BRDT: variants seen among roughly 807,000 people sequenced by gnomAD.
BRDT encodes bromodomain testis-specific protein.
In BRDT, 77 loss-of-function variants were observed where a neutral mutation model predicts 113.9. The observed-to-expected ratio is 0.68, with a 90% CI of 0.56 to 0.82. BRDT has a LOEUF of 0.82. Ranked by LOEUF, BRDT falls within the 40% of genes least tolerant of loss-of-function variation. BRDT has a pLI of 0.00. For missense variants in BRDT, 1,027 were observed against 1,105.4 expected, an observed-to-expected ratio of 0.93 and a Z score of 1.01; for synonymous variants, 358 against 366.5, an observed-to-expected ratio of 0.98 and a Z score of 0.26.
At chr1:92,007,219 T>C (rs1184714291) in intron 18 of BRDT, among the ~76,000 whole-genome samples, 1 of 152,220 alleles carries the variant, frequency 6.6e-6, no homozygotes, top group Non-Finnish European at 1.5e-5. Flanking sequence ...TGCCCGTTTT[T>C]GTATTAAGCT....
At position 91,955,392 on chromosome 1, in the gene BRDT, T is replaced by A. The variant is rs140845090; in HGVS notation, c.-38+5710T>A. Among the ~76,000 whole-genome samples, 6 of 152,244 alleles carry A rather than the reference T, an allele frequency of 3.9e-5. No homozygotes were observed. The East Asian group carries it at 1.2e-3, about 29-fold the overall frequency. Reference sequence around the variant, plus strand: ...TCGCTTGAACCCGGGAGGCAGAGGTTGCAGTGAGCTGAGATTGCTCCATGG... The same window carrying A: ...TCGCTTGAACCCGGGAGGCAGAGGTAGCAGTGAGCTGAGATTGCTCCATGG... On this transcript the variant is annotated intron_variant, in intron 1 of 18. Transcript: ENST00000399546.
chr1:91,987,578 T>C (rs1685370296), intron 12 of BRDT, among the ~76,000 whole-genome samples: 1 of 152,140 alleles, frequency 6.6e-6, no homozygotes, highest in African/African-American at 2.4e-5. Flanking sequence ...CCTCATGGTC[T>C]GCCCACCTCA....
At chr1:91,964,901 G>A (rs867139068) in intron 3 of BRDT, 137 bp downstream of exon 3, 33 of 405,716 alleles carry the variant, frequency 8.1e-5, no homozygotes, top group African/African-American at 3.9e-4. Flanking sequence ...GTGTGTGTGT[G>A]TGTATATAAT....
intron 15 of BRDT, among the ~76,000 whole-genome samples, chr1:91,996,669 A>T (rs1686368490): frequency 6.6e-6 from 1 of 152,254 alleles, no homozygotes; most frequent in Admixed American, 6.5e-5. Context: ...ATAAATTATT[A>T]GGACCAAAAC....
At chr1:91,960,552 G>A (rs72954706) in intron 1 of BRDT, among the ~76,000 whole-genome samples, 10 of 152,292 alleles carry the variant, frequency 6.6e-5, no homozygotes, top group African/African-American at 2.4e-4. Context: ...AGAAGAATGA[G>A]GATTTGTTGG....
At chr1:91,957,566 C>A (rs1023957974) in intron 1 of BRDT, 20 of 152,306 alleles carry the variant, frequency 1.3e-4, no homozygotes, top group African/African-American at 4.8e-4. Flanking sequence ...GTGTTCCCAT[C>A]TACCCCGTTT....
intron 18 of BRDT, among the ~76,000 whole-genome samples, chr1:92,009,676 G>A (rs1687633693): frequency 1.4e-5 from 2 of 147,990 alleles, no homozygotes; most frequent in Admixed American, 1.4e-4. Flanking sequence ...CAACCCCCCA[G>A]TAGCTGGGAC....
At chr1:91,991,864 C>T (rs1046631454) in intron 13 of BRDT, among the ~76,000 whole-genome samples, 1 of 150,692 alleles carries the variant, frequency 6.6e-6, no homozygotes, top group Non-Finnish European at 1.5e-5. Context: ...TGGCGCCATG[C>T]GCCTGTAATC....
chr1:91,972,015 TTTTC>T lies in BRDT; in HGVS notation c.445+3770_445+3773del, dbSNP rs576296408. On this transcript the variant is annotated intron_variant, in intron 4 of 18. Coordinates refer to ENST00000399546, the MANE Select transcript of BRDT (RefSeq NM_207189.4). ...CTTCCAGCTATTGTTCCTTTTTTTT[TTTTC>T]TTTCTTTCTTTCTTCCTGTATACTC... Among the ~76,000 whole-genome samples, 4 of 152,044 alleles carry T rather than the reference TTTTC, an allele frequency of 2.6e-5. No individual in the cohort carries two copies. The East Asian group carries it at 5.8e-4, about 22-fold the overall frequency.
At chr1:91,986,781 C>G (rs1338459084) in intron 12 of BRDT, among the ~76,000 whole-genome samples, 1 of 151,944 alleles carries the variant, frequency 6.6e-6, no homozygotes, top group Non-Finnish European at 1.5e-5. Context: ...TGGAAACCAA[C>G]AAACTTTGTT....
Position 91,976,576 on chromosome 1 carries a change from G to C in BRDT, c.618+138G>C, listed in dbSNP as rs532445246. 23 of 833,362 alleles carry C rather than the reference G, an allele frequency of 2.8e-5. No homozygotes were observed. In the South Asian group the frequency reaches 4.9e-4, roughly 18 times the overall value. 51.6% of individuals were successfully genotyped at this position (833,362 alleles called of 1,614,324 possible). The stretch of plus-strand genomic sequence containing the variant: ...GCATCTAGCAATCTGAAATAATACT[G>C]TTTCCGCCTCTCTATGCATTTTATG... On this transcript the variant is annotated intron_variant, in intron 5 of 18. Transcript: ENST00000399546.
In BRDT at chr1:92,005,179, T is replaced by C. The variant is rs149455916; in HGVS notation, c.2655T>C (p.Ser885=). The C allele has an allele frequency of 6.4e-7, 1 of 1,569,206 alleles. No homozygotes were observed. The highest frequency in any genetic ancestry group is 8.6e-7 in the Non-Finnish European group (1 of 1,161,556). Residue 885 remains serine, a synonymous_variant, in exon 18 of 19, where the codon TCT becomes TCC. Transcript: ENST00000399546. The part of the protein sequence containing the change: ...SFSNKIQNKC[S]GEEQKEHQQS... ...CAAATAAAATACAAAACAAGTGCTC[T>C]GGAGAAGAGCAGAAAGAACATCAGC...
At chr1:91,978,431 T>C in intron 7 of BRDT, 135 bp downstream of exon 7, 1 of 977,596 alleles carries the variant, frequency 1.0e-6, no homozygotes, top group East Asian at 2.6e-5. Context: ...CCACAATTAC[T>C]TTTGCACCAA....
chr1:91,999,789 T>C (rs1013168115), intron 15 of BRDT, among the ~76,000 whole-genome samples: 4 of 152,256 alleles, frequency 2.6e-5, no homozygotes, highest in African/African-American at 9.6e-5. Flanking sequence ...GGCATGTTTA[T>C]ACAACTCTAC....
chr1:91,971,391 G>T (rs1683615794), intron 4 of BRDT, among the ~76,000 whole-genome samples: 1 of 152,194 alleles, frequency 6.6e-6, no homozygotes, highest in Admixed American at 6.6e-5. Context: ...GTAGGATTTG[G>T]CTTCAGAGGG....
At chr1:91,975,716 C>T (rs1684073345) in intron 4 of BRDT, among the ~76,000 whole-genome samples, 1 of 152,182 alleles carries the variant, frequency 6.6e-6, no homozygotes, top group East Asian at 1.9e-4. Context: ...TTTGAAATAA[C>T]AGATTTCAGA....
chr1:91,991,510 T>C (rs1685748452), intron 13 of BRDT, among the ~76,000 whole-genome samples: 1 of 152,216 alleles, frequency 6.6e-6, no homozygotes, highest in Admixed American at 6.5e-5. Context: ...AGCTTATCCC[T>C]GAGAGTCTGA....
intron 18 of BRDT, among the ~76,000 whole-genome samples, chr1:92,008,119 T>C (rs550434977): frequency 6.6e-6 from 1 of 152,278 alleles, no homozygotes; most frequent in East Asian, 1.9e-4. Flanking sequence ...GGTTTCGCCA[T>C]GTTGGCCAGG....
At chr1:91,971,155 CAT>C (rs909036031) in intron 4 of BRDT, among the ~76,000 whole-genome samples, 51 of 152,080 alleles carry the variant, frequency 3.4e-4, no homozygotes, top group African/African-American at 1.2e-3. Flanking sequence ...TCTGTGAACT[CAT>C]AGAGTGAGCA....
Sources: gnomAD v4.1 joint callset for allele counts (sites outside exome capture counted in the v4.1 genomes callset) on GRCh38, gnomAD v4.1.1 for gene constraint, MANE v1.5 for transcripts, NCBI Gene and HGNC (gene_info 2026-07-23, HGNC 2026-07-21) for gene names.